The following USP39 variants were observed in gnomAD, a reference collection of about 807,000 sequenced individuals.
USP39 encodes ubiquitin specific peptidase 39.
In USP39, 38 loss-of-function variants were observed where a neutral mutation model predicts 66.4. The ratio of observed to expected loss-of-function variants is 0.57; its 90% CI spans 0.44 to 0.75. The LOEUF (loss-of-function observed/expected upper bound fraction) is 0.75. Among genes scored for constraint, USP39 ranks in the 30% least tolerant of loss-of-function variants. The probability of loss-of-function intolerance (pLI) is 0.00; values close to 1 mark genes in which losing one functional copy is unlikely to be tolerated. For missense variants in USP39, 608 were observed against 714.4 expected (o/e 0.85, Z 1.70); for synonymous variants, 303 against 274.6 (o/e 1.10, Z -1.02).
intron 5 of USP39, among the ~76,000 whole-genome samples, chr2:85,627,986 G>C (rs1675003406): frequency 6.6e-6 from 1 of 151,830 alleles, no homozygotes; most frequent in African/African-American, 2.4e-5. Context: ...TTTTTTAAGT[G>C]ATATTTTTGC....
At chr2:85,624,532 A>C (rs780344845) in intron 4 of USP39, among the ~76,000 whole-genome samples, 9 of 152,076 alleles carry the variant, frequency 5.9e-5, no homozygotes, top group Non-Finnish European at 8.8e-5. Context: ...TTTTTTGTAG[A>C]GATGGAGTCT....
At chr2:85,641,441 A>G (rs1676224026) in intron 10 of USP39, among the ~76,000 whole-genome samples, 1 of 152,232 alleles carries the variant, frequency 6.6e-6, no homozygotes, top group Non-Finnish European at 1.5e-5. Flanking sequence ...TGTCCTGAGT[A>G]GTGAGGGTCT....
In USP39 at chr2:85,625,629, C is replaced by T; in HGVS notation, c.661C>T (p.Leu221=). The T allele has an allele frequency of 6.2e-7, 1 of 1,614,074 alleles. No individual in the cohort carries two copies. The highest frequency in any genetic ancestry group is 2.2e-5 in the East Asian group (1 of 44,884). The change falls in exon 5 of 13, where the codon CTG becomes TTG. Residue 221 remains leucine (L), a synonymous_variant. Coordinates refer to ENST00000323701, the MANE Select transcript of USP39 (RefSeq NM_006590.4). ...CCGGGCATATGATGGTACCACTTACCTGCCGGGTATTGTGGGACTGAATAA... is the reference window on the plus strand; with the variant it reads ...CCGGGCATATGATGGTACCACTTACTTGCCGGGTATTGTGGGACTGAATAA... ...LSRAYDGTTY[L]PGIVGLNNIK... is the part of the protein sequence containing the mutation.
Position 85,643,159 on chromosome 2 carries a change from A to G in USP39, c.1428-1789A>G, listed in dbSNP as rs538816736. Among the ~76,000 whole-genome samples, 7 of 151,998 alleles carry G rather than the reference A, an allele frequency of 4.6e-5. No homozygotes were observed. The South Asian group carries it at 1.0e-3, about 23-fold the overall frequency. On this transcript the variant is annotated intron_variant, in intron 10 of 12. Transcript: ENST00000323701. Reference sequence around the variant, plus strand: ...AAACGTAGTATTTCTCTTTTGCCGCATGGACAGTTTTGGTTCAGTCATGAA... The same window carrying G: ...AAACGTAGTATTTCTCTTTTGCCGCGTGGACAGTTTTGGTTCAGTCATGAA...
intron 8 of USP39, among the ~76,000 whole-genome samples, chr2:85,638,683 C>T (rs1009229753): frequency 6.6e-6 from 1 of 151,800 alleles, no homozygotes; most frequent in Non-Finnish European, 1.5e-5. Flanking sequence ...GGATTACAGG[C>T]GCCACCACCA....
In USP39 at chr2:85,621,569, G is replaced by A; in HGVS notation, c.423G>A (p.Lys141=). The change falls in exon 3 of 13, where the codon AAG becomes AAA. Residue 141 remains lysine, a synonymous_variant. Coordinates refer to ENST00000323701, the MANE Select transcript of USP39 (RefSeq NM_006590.4). The part of the protein sequence containing the change: ...INAYACLVCG[K]YFQGRGLKSH... Reference sequence around the variant, plus strand: ...CTTATGCCTGTCTGGTGTGTGGCAAGTACTTTCAAGGTAAATAAGTTGTTA... The same window carrying A: ...CTTATGCCTGTCTGGTGTGTGGCAAATACTTTCAAGGTAAATAAGTTGTTA... 6.2e-7 allele frequency: 1 copy of A among 1,612,354 alleles called. No individual in the cohort carries two copies. The highest frequency in any genetic ancestry group is 1.1e-5 in the South Asian group (1 of 91,022).
chr2:85,616,358 G>C lies in USP39; in HGVS notation c.163G>C (p.Glu55Gln). The change falls in exon 1 of 13, where the codon GAG becomes CAG. Residue 55 changes from glutamate (E) to glutamine (Q), a missense_variant. By Grantham distance (29) the Glu-to-Gln change is conservative. This residue lies in a region of USP39 where 207 missense variants were observed against 145.7 expected (regional missense o/e 1.42). Transcript: ENST00000323701. The stretch of plus-strand genomic sequence containing the variant: ...CCCTGTGCGCGTGAAGCGGGAGTTC[G>C]AGCCGGCGAGCGCGCGCGAGGCCCC... ...GSPVRVKREF[E>Q]PASAREAPAS... 1 of 1,601,458 alleles carries C rather than the reference G, an allele frequency of 6.2e-7. No individual in the cohort carries two copies. The highest frequency in any genetic ancestry group is 1.7e-5 in the Admixed American group (1 of 58,986).
In USP39 at chr2:85,617,226, T is replaced by G. The variant is rs143695841; in HGVS notation, c.268+763T>G. ...ACCTCGGCCTCCCAAAGTGCTGGGT[T>G]TACAGGCGTGAGCCACCGTGCACGG... On this transcript the variant is annotated intron_variant, in intron 1 of 12. Transcript: ENST00000323701. Among the ~76,000 whole-genome samples the G allele has an allele frequency of 4.2e-3, 632 of 152,194 alleles. 7 individuals carry two copies. Among genetic ancestry groups the G allele is most frequent in the African/African-American group, 0.015 (607 of 41,514 alleles).
chr2:85,616,015 A>G (rs1400057714), upstream of USP39: 3 of 1,229,922 alleles, frequency 2.4e-6, no homozygotes, highest in Non-Finnish European at 3.1e-6. Flanking sequence ...AGAAGGTTCT[A>G]AGGGGAGAGG....
At chr2:85,631,607 T>G (rs1675345169) in intron 6 of USP39, among the ~76,000 whole-genome samples, 1 of 152,136 alleles carries the variant, frequency 6.6e-6, no homozygotes, top group Non-Finnish European at 1.5e-5. Flanking sequence ...TCGGTCTTAT[T>G]TGGTAAATTA....
At chr2:85,621,625 T>A in intron 3 of USP39, 46 bp downstream of exon 3, 3 of 29,988 alleles carry the variant, frequency 1.0e-4, no homozygotes, top group African/African-American at 3.0e-3. Context: ...CCAGAGGGAC[T>A]TTTTTTTTTT....
rs144485583 is a variant in USP39 at position 85,625,542 on chromosome 2, G to C, written c.574G>C (p.Val192Leu). ...AGCATTTTCTTTTGCTTTGCAGTAT[G>C]TGTTGAAGCCCACTTTCACAAAGCA... is the stretch of plus-strand genomic sequence containing the variant. The part of the protein sequence containing the change: ...IDSSLEDITY[V>L]LKPTFTKQQI... The change falls in exon 5 of 13, where the codon GTG becomes CTG. Residue 192 changes from valine (V) to leucine (L), a missense_variant. Val to Leu is a conservative substitution (Grantham distance 32, BLOSUM62 1). Transcript: ENST00000323701. The C allele has an allele frequency of 5.0e-6, 8 of 1,613,660 alleles. No individual in the cohort carries two copies. Among genetic ancestry groups the C allele is most frequent in the African/African-American group, 1.3e-5 (1 of 74,908 alleles).
At chr2:85,609,806 G>A (rs1208483771), upstream of USP39, among the ~76,000 whole-genome samples, 4 of 150,594 alleles carry the variant, frequency 2.7e-5, no homozygotes, top group East Asian at 4.0e-4. Context: ...TCAGCCTCCC[G>A]AGTAGCTGGG....
At chr2:85,640,595 C>A (rs555311494) in intron 9 of USP39, among the ~76,000 whole-genome samples, 3 of 146,746 alleles carry the variant, frequency 2.0e-5, no homozygotes, top group Non-Finnish European at 4.5e-5. Flanking sequence ...GGTTAGTTTT[C>A]TTTCTTTACA....
rs1352852786 is a variant in USP39 at position 85,640,956 on chromosome 2, ATTTTC to A, written c.1285-11_1285-7del. 3.1e-6 allele frequency: 5 copies of A among 1,587,460 alleles called. No homozygotes were observed. The highest frequency in any genetic ancestry group is 2.0e-4 in the Middle Eastern group (1 of 5,076). Reference sequence around the variant, plus strand: ...ACTGAACTTCAGCACTAATTTGAGAATTTTCTTTTCTTTCTCTAGGAATATAAGAC... The same window carrying A: ...ACTGAACTTCAGCACTAATTTGAGAATTTTCTTTCTCTAGGAATATAAGAC... On this transcript the variant is annotated splice_polypyrimidine_tract_variant and intron_variant, in intron 9 of 12. Transcript: ENST00000323701.
chr2:85,611,308 G>A (rs1019171264), upstream of USP39: 1 of 1,421,968 alleles, frequency 7.0e-7, no homozygotes, highest in Non-Finnish European at 9.1e-7. Flanking sequence ...GCTGGGGAAA[G>A]GCCATTTACT....
chr2:85,641,926 AAAAGAAAG>A (rs869310602), intron 10 of USP39, among the ~76,000 whole-genome samples: 8 of 112,330 alleles, frequency 7.1e-5, no homozygotes, highest in African/African-American at 1.2e-4. Context: ...AAAAAAAAAA[AAAAGAAAG>A]AAAGAAAGAA....
upstream of USP39, chr2:85,612,284 C>T: frequency 6.5e-7 from 1 of 1,532,074 alleles, no homozygotes; most frequent in Non-Finnish European, 8.7e-7. Context: ...CAGCTGATAC[C>T]AGAACCTTCA....
intron 11 of USP39, among the ~76,000 whole-genome samples, chr2:85,647,014 A>G (rs1351404603): frequency 1.3e-5 from 2 of 151,862 alleles, no homozygotes; most frequent in East Asian, 3.9e-4. Context: ...CAGCCTCCCA[A>G]GTAGCTGGGA....
Sources: gnomAD v4.1 joint callset for allele counts (sites outside exome capture counted in the v4.1 genomes callset) on GRCh38, gnomAD v4.1.1 for gene constraint, gnomAD v4.1.1 regional missense constraint, MANE v1.5 for transcripts, NCBI Gene and HGNC (gene_info 2026-07-23, HGNC 2026-07-21) for gene names.